Variants in JAZF1 observed in about 807,000 individuals in gnomAD.
JAZF1 encodes the protein juxtaposed with another zinc finger protein 1.
A neutral mutation model predicts 26.4 loss-of-function variants in JAZF1; 8 were observed. The ratio of observed to expected loss-of-function variants is 0.30; its 90% CI spans 0.18 to 0.55. The LOEUF (loss-of-function observed/expected upper bound fraction) is 0.55. JAZF1 is among the 20% of genes least tolerant of loss of function. JAZF1 has a pLI of 0.94. For missense variants in JAZF1, 199 were observed against 322.0 expected, an observed-to-expected ratio of 0.62 and a Z score of 2.92; for synonymous variants, 126 against 122.3, an observed-to-expected ratio of 1.03 and a Z score of -0.20.
chr7:28,053,242 T>C (rs549668103), intron 1 of JAZF1, among the ~76,000 whole-genome samples: 1 of 152,332 alleles, frequency 6.6e-6, no homozygotes, highest in East Asian at 1.9e-4. Context: ...TTGGGTTGCT[T>C]GTACTCCTTG....
chr7:28,089,994 C>T (rs12673479), intron 1 of JAZF1, among the ~76,000 whole-genome samples: 1 of 152,102 alleles, frequency 6.6e-6, no homozygotes, highest in African/African-American at 2.4e-5. Context: ...TTCAAAAGTC[C>T]ATGTAAGATT....
At chr7:28,158,186 CAGAGAGAG>C (rs1554292394) in intron 1 of JAZF1, among the ~76,000 whole-genome samples, 1 of 143,346 alleles carries the variant, frequency 7.0e-6, no homozygotes, top group Non-Finnish European at 1.5e-5. Flanking sequence ...CACACACACA[CAGAGAGAG>C]AGAGAGAGAG....
chr7:27,963,049 T>C (rs1362040071), intron 2 of JAZF1, among the ~76,000 whole-genome samples: 1 of 152,152 alleles, frequency 6.6e-6, no homozygotes, highest in African/African-American at 2.4e-5. Flanking sequence ...CAAACCTTCA[T>C]TATTAGGGAA....
intron 1 of JAZF1, among the ~76,000 whole-genome samples, chr7:28,075,615 A>G (rs896019150): frequency 3.3e-5 from 5 of 152,206 alleles, no homozygotes; most frequent in East Asian, 3.9e-4. Flanking sequence ...AAACTGTTCT[A>G]TAAGTGACTT....
At chr7:28,068,235 T>TTG (rs2127908744) in intron 1 of JAZF1, among the ~76,000 whole-genome samples, 1 of 151,698 alleles carries the variant, frequency 6.6e-6, no homozygotes, top group African/African-American at 2.4e-5. Context: ...TTTTTTTTTT[T>TTG]TCATAAAGAC....
chr7:27,860,913 G>A (rs897832396), intron 3 of JAZF1, among the ~76,000 whole-genome samples: 2 of 152,002 alleles, frequency 1.3e-5, no homozygotes, highest in Admixed American at 1.3e-4. Context: ...GGCACCTGGT[G>A]CCCTCTGTCC....
intron 1 of JAZF1, among the ~76,000 whole-genome samples, chr7:28,086,103 TTA>T (rs1784208734): frequency 2.6e-5 from 4 of 152,228 alleles, no homozygotes; most frequent in Non-Finnish European, 5.9e-5. Context: ...CACTCCTAAA[TTA>T]TAATTCAACA....
At chr7:27,873,625 T>G (rs747157567) in intron 3 of JAZF1, among the ~76,000 whole-genome samples, 1 of 152,224 alleles carries the variant, frequency 6.6e-6, no homozygotes, top group Non-Finnish European at 1.5e-5. Flanking sequence ...TTGTTGCCAG[T>G]AGATGTGCCT....
intron 2 of JAZF1, among the ~76,000 whole-genome samples, chr7:27,981,140 C>G (rs1785576093): frequency 6.6e-6 from 1 of 152,200 alleles, no homozygotes; most frequent in Admixed American, 6.5e-5. Flanking sequence ...CTATACATGT[C>G]TACTTCTCTC....
intron 2 of JAZF1, among the ~76,000 whole-genome samples, chr7:27,920,624 G>A (rs1784512007): frequency 6.6e-6 from 1 of 152,212 alleles, no homozygotes; most frequent in African/African-American, 2.4e-5. Context: ...AGGGGAGCAT[G>A]TGAATAAGAC....
chr7:27,931,944 T>A (rs374392840), intron 2 of JAZF1, among the ~76,000 whole-genome samples: 1 of 152,024 alleles, frequency 6.6e-6, no homozygotes, highest in Admixed American at 6.6e-5. Context: ...ATAAAAAAAT[T>A]AAAAAAATCA....
chr7:27,952,295 G>A lies in JAZF1; in HGVS notation c.188+39614C>T, dbSNP rs117549734. Among the ~76,000 whole-genome samples, 14 of 152,316 alleles carry A rather than the reference G, an allele frequency of 9.2e-5. No homozygotes were observed. The East Asian group carries it at 1.9e-3, about 21-fold the overall frequency. On this transcript the variant is annotated intron_variant, in intron 2 of 4. Coordinates refer to ENST00000283928, the MANE Select transcript of JAZF1 (RefSeq NM_175061.4). ...GGGGAGGGGTCAGAGAAGACATTTC[G>A]GAGGAGGTACGTTGTGAGAAAACAT...
At chr7:28,146,371 T>C (rs1291691408) in intron 1 of JAZF1, among the ~76,000 whole-genome samples, 1 of 152,254 alleles carries the variant, frequency 6.6e-6, no homozygotes, top group Non-Finnish European at 1.5e-5. Context: ...GATCTGTAAC[T>C]TGTCCCACTG....
chr7:28,133,018 C>T (rs1782821683), intron 1 of JAZF1, among the ~76,000 whole-genome samples: 1 of 152,190 alleles, frequency 6.6e-6, no homozygotes, highest in Non-Finnish European at 1.5e-5. Flanking sequence ...AGCACAGAAG[C>T]AAACCACCTC....
intron 2 of JAZF1, among the ~76,000 whole-genome samples, chr7:27,937,273 CAT>C (rs943156719): frequency 6.6e-6 from 1 of 152,202 alleles, no homozygotes; most frequent in Non-Finnish European, 1.5e-5. Flanking sequence ...AAGCCTAACT[CAT>C]ATACAGGGTC....
chr7:27,895,009 C>T (rs1784034951), intron 3 of JAZF1, among the ~76,000 whole-genome samples: 1 of 151,970 alleles, frequency 6.6e-6, no homozygotes, highest in Non-Finnish European at 1.5e-5. Flanking sequence ...TCTACAAAAC[C>T]ATTATCACAT....
intron 1 of JAZF1, among the ~76,000 whole-genome samples, chr7:28,170,341 G>A (rs1483295005): frequency 4.3e-4 from 1 of 2,332 alleles, no homozygotes; most frequent in Non-Finnish European, 8.6e-4. Flanking sequence ...GTTGATATGT[G>A]TGTGTGTGTG....
chr7:27,843,687 G>A (rs1782964901), intron 3 of JAZF1: 1 of 152,282 alleles, frequency 6.6e-6, no homozygotes, highest in African/African-American at 2.4e-5. Flanking sequence ...CCACCTCCAA[G>A]AGGCTACAGA....
intron 2 of JAZF1, among the ~76,000 whole-genome samples, chr7:27,983,252 A>G (rs187511631): frequency 1.4e-4 from 21 of 152,360 alleles, no homozygotes; most frequent in African/African-American, 4.8e-4. Context: ...AGAAAGCCTT[A>G]AATGACCTGA....
Sources: allele counts gnomAD v4.1 joint callset (sites outside exome capture counted in the v4.1 genomes callset), GRCh38; gene constraint gnomAD v4.1.1; transcripts MANE v1.5; gene names NCBI Gene and HGNC (gene_info 2026-07-23, HGNC 2026-07-21).